Variants in CNTN3 observed in about 807,000 individuals in gnomAD.
The protein encoded by CNTN3 is contactin-3.
Under a neutral mutation model 119.1 loss-of-function variants are expected in CNTN3, and 60 were observed. The observed-to-expected ratio is 0.50, with a 90% CI of 0.41 to 0.62. The LOEUF is 0.62. Among genes scored for constraint, CNTN3 ranks in the 20% least tolerant of loss-of-function variants. The pLI, the probability that CNTN3 is intolerant of heterozygous loss-of-function variation, is 0.00. For missense variants in CNTN3, 1,101 were observed against 1,242.4 expected (o/e 0.89, Z 1.71); for synonymous variants, 450 against 438.7 (o/e 1.03, Z -0.32).
At chr3:74,268,020 A>G (rs1701698847) in intron 20 of CNTN3, among the ~76,000 whole-genome samples, 1 of 152,126 alleles carries the variant, frequency 6.6e-6, no homozygotes, top group Non-Finnish European at 1.5e-5. Context: ...AAAAATTGCA[A>G]GAGAGTCTAT....
At chr3:74,397,049 GGCTTCAAA>G (rs1003307005) in intron 5 of CNTN3, among the ~76,000 whole-genome samples, 3 of 152,144 alleles carry the variant, frequency 2.0e-5, no homozygotes, top group Non-Finnish European at 2.9e-5. Flanking sequence ...AATCAAGCCA[GGCTTCAAA>G]GCTTCAAAGA....
intron 2 of CNTN3, among the ~76,000 whole-genome samples, chr3:74,502,333 A>C (rs983502748): frequency 6.6e-6 from 1 of 152,106 alleles, no homozygotes; most frequent in Admixed American, 6.6e-5. Flanking sequence ...GGTCACAATA[A>C]AAACTCAAAT....
At chr3:74,580,452 T>C (rs1340885684) in intron 1 of CNTN3, among the ~76,000 whole-genome samples, 4 of 152,080 alleles carry the variant, frequency 2.6e-5, no homozygotes. Context: ...ACAACAATAT[T>C]TTTTCAAGAA....
chr3:74,360,128 C>T (rs906697607), intron 11 of CNTN3, among the ~76,000 whole-genome samples: 1 of 152,214 alleles, frequency 6.6e-6, no homozygotes, highest in Admixed American at 6.5e-5. Context: ...GCAGATTGTG[C>T]TGTTGTAACC....
intron 11 of CNTN3, among the ~76,000 whole-genome samples, chr3:74,346,847 T>C (rs1459106817): frequency 1.3e-5 from 2 of 152,036 alleles, no homozygotes; most frequent in East Asian, 3.9e-4. Context: ...GGGAAGAACA[T>C]ACTAAAATAT....
chr3:74,287,526 A>T (rs1702138872), intron 19 of CNTN3, among the ~76,000 whole-genome samples: 1 of 152,220 alleles, frequency 6.6e-6, no homozygotes, highest in Non-Finnish European at 1.5e-5. Context: ...TCAAAGACAA[A>T]TATTTTAACT....
At chr3:74,297,903 G>A in intron 18 of CNTN3, 54 bp downstream of exon 18, 1 of 1,379,588 alleles carries the variant, frequency 7.2e-7, no homozygotes, top group Non-Finnish European at 1.0e-6. Context: ...TCAGTTTTTG[G>A]AGCACAAATA....
intron 1 of CNTN3, among the ~76,000 whole-genome samples, chr3:74,555,134 T>C (rs1271054205): frequency 1.3e-5 from 2 of 152,234 alleles, no homozygotes; most frequent in African/African-American, 4.8e-5. Context: ...GGCTGTTTAA[T>C]TTTGTCAAAG....
Position 74,335,013 on chromosome 3 carries a change from T to A in CNTN3, c.1493-103A>T, listed in dbSNP as rs967933647. The A allele has an allele frequency of 4.1e-6, 3 of 727,412 alleles. No individual in the cohort carries two copies. The African/African-American group carries it at 5.3e-5, about 13-fold the overall frequency. 45.1% of individuals were successfully genotyped at this position (727,412 alleles called of 1,614,324 possible). A position where few individuals can be genotyped will look rare whatever the true frequency, so the allele number is the denominator to read the frequency against. Reference sequence around the variant, plus strand: ...AACTTATACTGTGTATGTCTGTAGATGCATATACATAAATATACATACATC... The same window carrying A: ...AACTTATACTGTGTATGTCTGTAGAAGCATATACATAAATATACATACATC... On this transcript the variant is annotated intron_variant, in intron 12 of 22. Coordinates refer to ENST00000263665, the MANE Select transcript of CNTN3 (RefSeq NM_020872.3).
At chr3:74,271,778 T>A (rs1035736140) in intron 20 of CNTN3, among the ~76,000 whole-genome samples, 1 of 152,206 alleles carries the variant, frequency 6.6e-6, no homozygotes, top group Admixed American at 6.5e-5. Context: ...GCAACGATCA[T>A]GTAATCAAAA....
chr3:74,592,919 T>C (rs1704730090), intron 1 of CNTN3, among the ~76,000 whole-genome samples: 1 of 152,010 alleles, frequency 6.6e-6, no homozygotes, highest in South Asian at 2.1e-4. Flanking sequence ...CTGCCTTTAA[T>C]CACTTCATAA....
chr3:74,407,304 T>C (rs1701346111), intron 5 of CNTN3, among the ~76,000 whole-genome samples: 1 of 143,444 alleles, frequency 7.0e-6, no homozygotes, highest in Non-Finnish European at 1.5e-5. Context: ...GTCTCACTCT[T>C]GTTGCCCAGG....
intron 1 of CNTN3, among the ~76,000 whole-genome samples, chr3:74,581,131 A>AGT (rs1704498052): frequency 6.6e-6 from 1 of 152,218 alleles, no homozygotes; most frequent in African/African-American, 2.4e-5. Flanking sequence ...AAGGTCCTAC[A>AGT]AGGAGTAGTA....
At chr3:74,345,383 G>T (rs947889378) in intron 11 of CNTN3, among the ~76,000 whole-genome samples, 4 of 152,118 alleles carry the variant, frequency 2.6e-5, no homozygotes, top group African/African-American at 9.7e-5. Flanking sequence ...CTCTTCATTT[G>T]CACTGCAGCA....
In CNTN3 at chr3:74,525,446, A is replaced by G. The variant is rs896206765; in HGVS notation, c.-80-4254T>C. On this transcript the variant is annotated intron_variant, in intron 1 of 22. Coordinates refer to ENST00000263665, the MANE Select transcript of CNTN3 (RefSeq NM_020872.3). ...CACAATCTGACTTCTCAGCATTGCC[A>G]TGTATCATCACGGAGAGAGGTGACA... is the stretch of plus-strand genomic sequence containing the variant. Among the ~76,000 whole-genome samples the G allele has an allele frequency of 2.1e-4, 32 of 151,958 alleles. 1 individual carries two copies. Among genetic ancestry groups the G allele is most frequent in the Admixed American group, 1.7e-3 (26 of 15,234 alleles).
intron 2 of CNTN3, among the ~76,000 whole-genome samples, chr3:74,500,714 T>G (rs1037713685): frequency 3.9e-5 from 6 of 152,036 alleles, no homozygotes; most frequent in African/African-American, 1.4e-4. Context: ...GAATAGCAGT[T>G]TACATTAATA....
intron 11 of CNTN3, among the ~76,000 whole-genome samples, chr3:74,346,132 A>G (rs2106736783): frequency 6.6e-6 from 1 of 152,348 alleles, no homozygotes; most frequent in South Asian, 2.1e-4. Flanking sequence ...AAAGTAGGCT[A>G]GAGTAACAAA....
intron 20 of CNTN3, among the ~76,000 whole-genome samples, chr3:74,271,324 G>A (rs1300572944): frequency 2.0e-5 from 3 of 152,156 alleles, no homozygotes; most frequent in African/African-American, 7.2e-5. Flanking sequence ...ACTTTTCATA[G>A]AACAGAAGTC....
chr3:74,477,145 G>A (rs1702671102), intron 4 of CNTN3, among the ~76,000 whole-genome samples: 1 of 152,030 alleles, frequency 6.6e-6, no homozygotes, highest in African/African-American at 2.4e-5. Context: ...CCAGGTGCTT[G>A]ACATATATTA....
Sources: allele counts gnomAD v4.1 joint callset (sites outside exome capture counted in the v4.1 genomes callset), GRCh38; gene constraint gnomAD v4.1.1; transcripts MANE v1.5; gene names NCBI Gene and HGNC (gene_info 2026-07-23, HGNC 2026-07-21).